Variants in CLVS1 observed in about 807,000 individuals in gnomAD.
CLVS1 encodes the protein clavesin-1.
Under a neutral mutation model 33.1 loss-of-function variants are expected in CLVS1, and 10 were observed. The observed-to-expected ratio is 0.30, with a 90% CI of 0.19 to 0.51. CLVS1 has a LOEUF of 0.51. CLVS1 is among the 20% of genes least tolerant of loss of function. CLVS1 has a pLI of 0.97. For missense variants in CLVS1, 343 were observed against 433.4 expected (o/e 0.79, Z 1.85); for synonymous variants, 163 against 166.1 (o/e 0.98, Z 0.14).
intron 2 of CLVS1, among the ~76,000 whole-genome samples, chr8:61,174,660 C>A (rs1459290500): frequency 6.6e-6 from 1 of 152,032 alleles, no homozygotes; most frequent in Non-Finnish European, 1.5e-5. Context: ...AATTTTAGGG[C>A]TTGATTGAGA....
chr8:61,181,980 C>T (rs1378004765), intron 2 of CLVS1, among the ~76,000 whole-genome samples: 2 of 152,096 alleles, frequency 1.3e-5, no homozygotes, highest in South Asian at 2.1e-4. Context: ...GGATTACAGG[C>T]GTGAGCCACC....
intron 2 of CLVS1, among the ~76,000 whole-genome samples, chr8:61,305,998 C>T (rs1810612442): frequency 6.6e-6 from 1 of 152,168 alleles, no homozygotes; most frequent in South Asian, 2.1e-4. Context: ...CTGCAATGAA[C>T]ATACACGTGC....
intron 2 of CLVS1, among the ~76,000 whole-genome samples, chr8:61,249,759 T>C (rs1351654537): frequency 1.3e-5 from 2 of 152,180 alleles, no homozygotes; most frequent in Non-Finnish European, 2.9e-5. Context: ...CAGTTTTTGA[T>C]GGGGTTGTTT....
At chr8:61,367,421 C>A (rs1293965146) in intron 2 of CLVS1, among the ~76,000 whole-genome samples, 1 of 152,188 alleles carries the variant, frequency 6.6e-6, no homozygotes, top group Non-Finnish European at 1.5e-5. Context: ...TCTGCCCTTT[C>A]CCTTCTATGT....
intron 1 of CLVS1, among the ~76,000 whole-genome samples, chr8:61,070,144 G>A (rs537256761): frequency 3.5e-4 from 53 of 152,262 alleles, no homozygotes; most frequent in African/African-American, 1.1e-3. Context: ...GCTGCCTCGT[G>A]TTCTGCCTGC....
At chr8:61,136,352 T>C (rs1806190508) in intron 2 of CLVS1, among the ~76,000 whole-genome samples, 1 of 152,198 alleles carries the variant, frequency 6.6e-6, no homozygotes, top group African/African-American at 2.4e-5. Context: ...GATTTTGTGA[T>C]AGAAGTTGAA....
chr8:61,457,045 C>T (rs1246301938), intron 4 of CLVS1, among the ~76,000 whole-genome samples: 1 of 151,696 alleles, frequency 6.6e-6, no homozygotes, highest in African/African-American at 2.4e-5. Context: ...TCAAGTGATT[C>T]TCCTTCTCCA....
chr8:61,448,544 G>A (rs1816838103), intron 3 of CLVS1, among the ~76,000 whole-genome samples: 1 of 151,664 alleles, frequency 6.6e-6, no homozygotes. Flanking sequence ...CATCTGCTAA[G>A]CTTTTTATTG....
intron 2 of CLVS1, among the ~76,000 whole-genome samples, chr8:61,173,696 T>C (rs1041402206): frequency 1.3e-5 from 2 of 152,194 alleles, no homozygotes; most frequent in African/African-American, 4.8e-5. Context: ...GCTCAGGCTA[T>C]GTCAAATGAA....
intron 5 of CLVS1, among the ~76,000 whole-genome samples, chr8:61,479,970 G>A (rs1163238247): frequency 1.3e-5 from 2 of 152,214 alleles, no homozygotes; most frequent in Non-Finnish European, 2.9e-5. Context: ...GTACCCGGCC[G>A]TGTGACGTGT....
At chr8:60,977,675 G>C in the CLVS1 span, among the ~76,000 whole-genome samples, 1 of 152,156 alleles carries the variant, frequency 6.6e-6, no homozygotes, top group Non-Finnish European at 1.5e-5. Context: ...GAGTATGAGT[G>C]ATGTGTTGGG....
chr8:61,098,782 T>C (rs1456782824), intron 1 of CLVS1, among the ~76,000 whole-genome samples: 1 of 152,190 alleles, frequency 6.6e-6, no homozygotes, highest in Non-Finnish European at 1.5e-5. Context: ...CCTTCCTTCC[T>C]CCTAGGAGCA....
At chr8:61,461,580 G>A (rs1817367564) in intron 5 of CLVS1, among the ~76,000 whole-genome samples, 1 of 152,170 alleles carries the variant, frequency 6.6e-6, no homozygotes, top group African/African-American at 2.4e-5. Context: ...TAGACCATGT[G>A]TTTAATACTG....
chr8:60,994,701 C>G, the CLVS1 span, among the ~76,000 whole-genome samples: 1 of 152,150 alleles, frequency 6.6e-6, no homozygotes, highest in African/African-American at 2.4e-5. Flanking sequence ...AATGCGGGCT[C>G]TTTTTTGGTT....
chr8:61,019,651 T>TA, the CLVS1 span, among the ~76,000 whole-genome samples: 1 of 152,182 alleles, frequency 6.6e-6, no homozygotes, highest in Non-Finnish European at 1.5e-5. Context: ...ATCCTCATCT[T>TA]AGCTTTTGCT....
chr8:61,288,284 C>T (rs1348399542), intron 1 of CLVS1, 146 bp downstream of exon 1: 2 of 456,118 alleles, frequency 4.4e-6, no homozygotes, highest in African/African-American at 4.0e-5. Context: ...ATCCCTCCCG[C>T]ACCGCACCCC....
At chr8:61,268,024 T>A (rs966114337) in intron 2 of CLVS1, among the ~76,000 whole-genome samples, 8 of 152,072 alleles carry the variant, frequency 5.3e-5, no homozygotes, top group African/African-American at 1.9e-4. Context: ...TTTTTTTTTA[T>A]TTTTATTATA....
chr8:61,007,785 A>ACGT, the CLVS1 span, among the ~76,000 whole-genome samples: 1 of 152,224 alleles, frequency 6.6e-6, no homozygotes, highest in South Asian at 2.1e-4. Context: ...AGTGGACAGG[A>ACGT]CGTCGTTAAG....
the CLVS1 span, among the ~76,000 whole-genome samples, chr8:61,002,173 G>C: frequency 6.6e-6 from 1 of 151,642 alleles, no homozygotes; most frequent in Non-Finnish European, 1.5e-5. Flanking sequence ...GTAGGCATGG[G>C]GTTTTGCCAT....
Sources: allele counts gnomAD v4.1 joint callset (sites outside exome capture counted in the v4.1 genomes callset), GRCh38; gene constraint gnomAD v4.1.1; transcripts MANE v1.5; gene names NCBI Gene and HGNC (gene_info 2026-07-23, HGNC 2026-07-21).